CHRM3: variants seen among roughly 807,000 people sequenced by gnomAD.
CHRM3 encodes the protein muscarinic acetylcholine receptor M3.
Under a neutral mutation model 41.8 loss-of-function variants are expected in CHRM3, and 11 were observed. The ratio of observed to expected loss-of-function variants is 0.26; its 90% CI spans 0.17 to 0.44. CHRM3 has a LOEUF of 0.44. Ranked by LOEUF, CHRM3 falls within the 20% of genes least tolerant of loss-of-function variation. CHRM3 has a pLI of 1.00. For synonymous variants in CHRM3, 297 were observed against 301.4 expected (o/e 0.99, Z 0.15); for missense variants, 571 against 745.4 (o/e 0.77, Z 2.72).
intron 3 of CHRM3, among the ~76,000 whole-genome samples, chr1:239,576,972 CAT>C (rs544342288): frequency 8.5e-4 from 130 of 152,198 alleles, no homozygotes; most frequent in Non-Finnish European, 1.7e-3. Context: ...CTTACTTCTC[CAT>C]ATAAAAATAT....
chr1:239,644,043 G>A (rs1445426683), intron 4 of CHRM3, among the ~76,000 whole-genome samples: 5 of 152,210 alleles, frequency 3.3e-5, no homozygotes, highest in African/African-American at 4.8e-5. Flanking sequence ...GATTCTAACA[G>A]CTATTACTTT....
chr1:239,706,111 TATAA>T (rs566329696), intron 5 of CHRM3, among the ~76,000 whole-genome samples: 188 of 149,268 alleles, frequency 1.3e-3, no homozygotes, highest in South Asian at 3.4e-3. Context: ...ATATGTGAAT[TATAA>T]ATAATTCATG....
At chr1:239,580,710 C>T (rs71535321) in intron 3 of CHRM3, among the ~76,000 whole-genome samples, 12,749 of 50,396 alleles carry the variant, frequency 0.25, 787 homozygotes, top group Middle Eastern at 0.4. Flanking sequence ...TATATACACA[C>T]ACACACACAC....
At chr1:239,866,580 A>G (rs1676127653) in intron 6 of CHRM3, among the ~76,000 whole-genome samples, 3 of 152,216 alleles carry the variant, frequency 2.0e-5, no homozygotes, top group Non-Finnish European at 4.4e-5. Context: ...TTCAGAAGAA[A>G]GAAATACAAC....
intron 4 of CHRM3, among the ~76,000 whole-genome samples, chr1:239,640,688 C>A (rs1267927442): frequency 2.0e-5 from 3 of 150,098 alleles, no homozygotes; most frequent in Non-Finnish European, 4.4e-5. Flanking sequence ...AGCAGTCTAT[C>A]AATTTTGTTG....
chr1:239,649,332 G>C (rs1375455623), intron 4 of CHRM3, among the ~76,000 whole-genome samples: 1 of 152,132 alleles, frequency 6.6e-6, no homozygotes, highest in Non-Finnish European at 1.5e-5. Flanking sequence ...CTTGTGCCTT[G>C]ATCGTGGACT....
At chr1:239,640,662 C>A (rs1409327987) in intron 4 of CHRM3, among the ~76,000 whole-genome samples, 3 of 149,374 alleles carry the variant, frequency 2.0e-5, no homozygotes, top group African/African-American at 7.4e-5. Context: ...CTCTTTTTTT[C>A]TTTATTAGTC....
chr1:239,719,906 T>C (rs1254974390), intron 5 of CHRM3, among the ~76,000 whole-genome samples: 1 of 151,948 alleles, frequency 6.6e-6, no homozygotes, highest in Non-Finnish European at 1.5e-5. Context: ...AGAATAGATC[T>C]GTGTGTATTT....
At chr1:239,445,158 T>C (rs1664033681) in intron 1 of CHRM3, among the ~76,000 whole-genome samples, 2 of 152,194 alleles carry the variant, frequency 1.3e-5, no homozygotes, top group African/African-American at 4.8e-5. Flanking sequence ...GTCTTCCAAA[T>C]TGTGTCTAAC....
intron 6 of CHRM3, among the ~76,000 whole-genome samples, chr1:239,866,411 A>C (rs4659553): frequency 0.39 from 59,614 of 151,682 alleles, 12,512 homozygotes; most frequent in Admixed American, 0.48. Context: ...AAAACAAAAA[A>C]AAAAAAGCTT....
rs192344910 is a variant in CHRM3, at chr1:239,620,042, A to G, written c.-312-12182A>G. ...GACTGGACCTTTTCTTTTGTTATAG[A>G]TATTTTTTGAACTTTAAAAATTACA... is the stretch of plus-strand genomic sequence containing the variant. On this transcript the variant is annotated intron_variant, in intron 3 of 6. Transcript: ENST00000676153. Among the ~76,000 whole-genome samples, 44 of 152,262 alleles carry G rather than the reference A, an allele frequency of 2.9e-4. No homozygotes were observed. The South Asian group carries it at 5.2e-3, about 18-fold the overall frequency.
chr1:239,745,593 A>G (rs529331980), intron 5 of CHRM3, among the ~76,000 whole-genome samples: 85 of 152,160 alleles, frequency 5.6e-4, no homozygotes, highest in African/African-American at 1.9e-3. Context: ...TGCTGCACCC[A>G]TCAACCTGTC....
intron 5 of CHRM3, chr1:239,704,879 T>C (rs1328388282): frequency 1.3e-5 from 2 of 152,274 alleles, no homozygotes; most frequent in East Asian, 3.9e-4. Flanking sequence ...TAGGCATGCA[T>C]GGAAAGGAAA....
At chr1:239,651,505 T>C (rs144862452) in intron 4 of CHRM3, among the ~76,000 whole-genome samples, 312 of 152,260 alleles carry the variant, frequency 2.0e-3, no homozygotes, top group African/African-American at 6.8e-3. Flanking sequence ...TCAGAGAAGA[T>C]GGAATAGTAG....
rs369090005 is a variant in CHRM3 at position 239,601,437 on chromosome 1, T to C, written c.-312-30787T>C. 2.0e-5 allele frequency among the ~76,000 whole-genome samples: 3 copies of C among 152,286 alleles called. No individual in the cohort carries two copies. In the East Asian group the frequency reaches 5.8e-4, roughly 29 times the overall value. ...ATGCATGAAAATCTGGCAGAGCTTA[T>C]TGAGACATAAAATGGGAAATAAATG... On this transcript the variant is annotated intron_variant, in intron 3 of 6. Transcript: ENST00000676153.
intron 3 of CHRM3, among the ~76,000 whole-genome samples, chr1:239,560,277 T>A (rs531777980): frequency 5.9e-5 from 9 of 152,320 alleles, no homozygotes; most frequent in African/African-American, 2.2e-4. Context: ...TGTCTTCAGC[T>A]GTTTTATTGC....
At chr1:239,629,491 C>T (rs547341608) in intron 3 of CHRM3, 62 of 154,300 alleles carry the variant, frequency 4.0e-4, no homozygotes, top group Non-Finnish European at 4.9e-4. Flanking sequence ...AGCTGTAGAC[C>T]GGAGCTGTTC....
chr1:239,676,553 T>G (rs1309518149), intron 4 of CHRM3, among the ~76,000 whole-genome samples: 2 of 152,210 alleles, frequency 1.3e-5, no homozygotes, highest in Non-Finnish European at 2.9e-5. Flanking sequence ...GTGTATATCA[T>G]GGTCATACCA....
At chr1:239,819,714 A>T (rs1425563950) in intron 5 of CHRM3, among the ~76,000 whole-genome samples, 1 of 152,228 alleles carries the variant, frequency 6.6e-6, no homozygotes, top group East Asian at 1.9e-4. Context: ...GAGCTTAGAC[A>T]TATGCAGACC....
Sources: allele counts gnomAD v4.1 joint callset (sites outside exome capture counted in the v4.1 genomes callset), GRCh38; gene constraint gnomAD v4.1.1; transcripts MANE v1.5; gene names NCBI Gene and HGNC (gene_info 2026-07-23, HGNC 2026-07-21).